USP21: variants seen among roughly 807,000 people sequenced by gnomAD.
The protein encoded by USP21 is ubiquitin carboxyl-terminal hydrolase 21.
USP21 carries 37 observed loss-of-function variants against 70.8 expected under a neutral mutation model. That is an observed-to-expected ratio of 0.52 (90% confidence interval 0.40 to 0.69). The LOEUF is 0.69. Ranked by LOEUF, USP21 falls within the 30% of genes least tolerant of loss-of-function variation. The pLI, the probability that USP21 is intolerant of heterozygous loss-of-function variation, is 0.00. For missense variants in USP21, 584 were observed against 740.8 expected, an observed-to-expected ratio of 0.79 and a Z score of 2.46; for synonymous variants, 263 against 283.1, an observed-to-expected ratio of 0.93 and a Z score of 0.71.
rs1311284973 is a variant in USP21, at chr1:161,164,269, G to A, written c.1305+19G>A. 6.2e-7 allele frequency: 1 copy of A among 1,612,262 alleles called. No individual in the cohort carries two copies. The highest frequency in any genetic ancestry group is 1.3e-5 in the African/African-American group (1 of 74,872). On this transcript the variant is annotated intron_variant, in intron 10 of 13. Transcript: ENST00000368002. The surrounding 1 kb of genome is among the most constrained non-coding windows in gnomAD (Gnocchi z 4.2). ...TGCCCCAGTATGTGGAGGTTCACAA[G>A]GGATACAGTAAGGGTGGGAGACCTG...
At position 161,162,525 on chromosome 1, in the gene USP21, T is replaced by TA. The variant is rs922448018; in HGVS notation, c.782-87dup. On this transcript the variant is annotated intron_variant, in intron 5 of 13. Transcript: ENST00000368002. The surrounding 1 kb of genome is among the most constrained non-coding windows in gnomAD (Gnocchi z 4.1). ...CTACTTTTCCCAGTGCCTACTTTCC[T>TA]AAAGGTTATTTTCTACCCTCTGAGC... 6.5e-6 allele frequency: 10 copies of TA among 1,539,352 alleles called. No individual in the cohort carries two copies. Among genetic ancestry groups the TA allele is most frequent in the Middle Eastern group, 1.7e-4 (1 of 5,876 alleles).
Position 161,164,779 on chromosome 1 carries a change from A to G in USP21, c.1385-56A>G, listed in dbSNP as rs374829310. The stretch of plus-strand genomic sequence containing the variant: ...GGGGAGAGGACAGCTTTCAGGATAG[A>G]AGAAGTTCCCCTCAGAGGCCCACTG... On this transcript the variant is annotated intron_variant, in intron 11 of 13. Transcript: ENST00000368002. The surrounding 1 kb of genome is among the most constrained non-coding windows in gnomAD (Gnocchi z 4.2). 1.9e-3 allele frequency: 2,966 copies of G among 1,598,082 alleles called. 5 individuals carry two copies. The highest frequency in any genetic ancestry group is 2.2e-3 in the Non-Finnish European group (2,588 of 1,170,456).
At position 161,164,056 on chromosome 1, in the gene USP21, G is replaced by T; in HGVS notation, c.1218+75G>T. On this transcript the variant is annotated intron_variant, in intron 9 of 13. Coordinates refer to ENST00000368002, the MANE Select transcript of USP21 (RefSeq NM_001014443.3). The surrounding 1 kb of genome is among the most constrained non-coding windows in gnomAD (Gnocchi z 4.2). ...CAAGCCTACCCACCCCCAGAGTGTG[G>T]GCGGGAACCCTGTGGGTTTCTGGAG... 6.3e-7 allele frequency: 1 copy of T among 1,584,672 alleles called. No homozygotes were observed. The highest frequency in any genetic ancestry group is 8.7e-7 in the Non-Finnish European group (1 of 1,153,756).
At position 161,164,300 on chromosome 1, in the gene USP21, A is replaced by G. The variant is rs1480717098; in HGVS notation, c.1305+50A>G. 3 of 1,539,714 alleles carry G rather than the reference A, an allele frequency of 1.9e-6. No homozygotes were observed. The highest frequency in any genetic ancestry group is 2.7e-6 in the Non-Finnish European group (3 of 1,112,654). Reference sequence around the variant, plus strand: ...CAGTAAGGGTGGGAGACCTGGGGGGACTCCATGTGGATAAAAGGGATTGCA... The same window carrying G: ...CAGTAAGGGTGGGAGACCTGGGGGGGCTCCATGTGGATAAAAGGGATTGCA... On this transcript the variant is annotated intron_variant, in intron 10 of 13. Coordinates refer to ENST00000368002, the MANE Select transcript of USP21 (RefSeq NM_001014443.3). The surrounding 1 kb of genome is among the most constrained non-coding windows in gnomAD (Gnocchi z 4.2).
At chr1:161,163,493 TGGG>T in intron 7 of USP21, 59 bp from the exon 8 acceptor site, 1 of 1,506,690 alleles carries the variant, frequency 6.6e-7, no homozygotes, top group Non-Finnish European at 9.2e-7. Context: ...CAGTGGGTGT[TGGG>T]GGTGCCCAGT....
intron 13 of USP21, 85 bp from the exon 14 acceptor site, chr1:161,165,272 C>T: frequency 6.9e-7 from 1 of 1,446,528 alleles, no homozygotes; most frequent in Middle Eastern, 1.7e-4. Flanking sequence ...TGATCATTTC[C>T]TGGATGCTCT....
At chr1:161,163,856 C>T in intron 8 of USP21, 22 bp from the exon 9 acceptor site, 4 of 1,602,634 alleles carry the variant, frequency 2.5e-6, no homozygotes, top group Non-Finnish European at 3.4e-6. Context: ...ACCTTTTCTC[C>T]TGTCCCTGTG....
chr1:161,161,487 C>T lies in USP21; in HGVS notation c.600+247C>T. 2.0e-6 allele frequency: 1 copy of T among 497,820 alleles called. No homozygotes were observed. 30.8% of individuals were successfully genotyped at this position (497,820 alleles called of 1,614,324 possible). ...GGGATTACCCCAACTATTTAGAATT[C>T]TTCTTTGGGTCCCCAGGCCCTTCCT... On this transcript the variant is annotated intron_variant, in intron 3 of 13. Coordinates refer to ENST00000368002, the MANE Select transcript of USP21 (RefSeq NM_001014443.3). The surrounding 1 kb of genome is among the most constrained non-coding windows in gnomAD (Gnocchi z 4.2).
chr1:161,161,501 C>T lies in USP21; in HGVS notation c.600+261C>T. On this transcript the variant is annotated intron_variant, in intron 3 of 13. Coordinates refer to ENST00000368002, the MANE Select transcript of USP21 (RefSeq NM_001014443.3). This position sits in a 1 kb window ranked among gnomAD's most constrained non-coding sequence, Gnocchi z 4.2. ...TATTTAGAATTCTTCTTTGGGTCCC[C>T]AGGCCCTTCCTTTCCCTTGCTTGCA... The T allele has an allele frequency of 2.1e-6, 1 of 481,192 alleles. No homozygotes were observed. The allele number at this position is 481,192 out of a possible 1,614,324, so 29.8% of individuals were successfully genotyped here. A position where few individuals can be genotyped will look rare whatever the true frequency, so the allele number is the denominator to read the frequency against.
chr1:161,164,015 CAG>C lies in USP21; in HGVS notation c.1218+35_1218+36del. 1 of 1,607,466 alleles carries C rather than the reference CAG, an allele frequency of 6.2e-7. No homozygotes were observed. The highest frequency in any genetic ancestry group is 8.5e-7 in the Non-Finnish European group (1 of 1,174,028). ...CCAGAGGATTCCGGGGTGGACAGGA[CAG>C]GGGCTCTGTGACCCAAGCCTACCCA... is the stretch of plus-strand genomic sequence containing the variant. On this transcript the variant is annotated intron_variant, in intron 9 of 13. Transcript: ENST00000368002. The surrounding 1 kb of genome is among the most constrained non-coding windows in gnomAD (Gnocchi z 4.2).
Position 161,162,326 on chromosome 1 carries a change from C to T in USP21, c.717C>T (p.Phe239=), listed in dbSNP as rs760903800. The change falls in exon 5 of 14, where the codon TTC becomes TTT. Residue 239 remains phenylalanine, a synonymous_variant. Transcript: ENST00000368002. This position sits in a 1 kb window ranked among gnomAD's most constrained non-coding sequence, Gnocchi z 4.1. ...GCAGCACTCGACCTCTTCGGGACTT[C>T]TGTCTGAGAAGGGACTTCCGGCAAG... ...CLSSTRPLRD[F]CLRRDFRQEV... The T allele has an allele frequency of 5.0e-5, 80 of 1,613,620 alleles. No individual in the cohort carries two copies. The highest frequency in any genetic ancestry group is 6.7e-5 in the Non-Finnish European group (79 of 1,179,848).
At chr1:161,160,219 A>C (rs1558000152) in intron 1 of USP21, 147 bp from the exon 2 acceptor site, 1 of 183,584 alleles carries the variant, frequency 5.4e-6, no homozygotes, top group Admixed American at 5.5e-5. Flanking sequence ...CCGAGATAGG[A>C]GTTATCACTG....
At position 161,162,081 on chromosome 1, in the gene USP21, G is replaced by A. The variant is rs776184092; in HGVS notation, c.644G>A (p.Arg215Gln). The A allele has an allele frequency of 3.7e-6, 6 of 1,614,050 alleles. No individual in the cohort carries two copies. The highest frequency in any genetic ancestry group is 1.6e-4 in the Middle Eastern group (1 of 6,062). Residue 215 changes from arginine to glutamine, a missense_variant, in exon 4 of 14, where the codon CGA becomes CAA. Physicochemically the swap from Arg to Gln is conservative, Grantham distance 43. Around this residue, in one of 4 missense-constraint regions of USP21, gnomAD observed 87 missense variants for 162.4 expected, o/e 0.54. Coordinates refer to ENST00000368002, the MANE Select transcript of USP21 (RefSeq NM_001014443.3). This position sits in a 1 kb window ranked among gnomAD's most constrained non-coding sequence, Gnocchi z 4.1. ...LLLGSGHVGL[R>Q]NLGNTCFLNA... ...CTGGGCTCTGGTCATGTTGGCCTTC[G>A]AAACCTGGGAAACACGGTGAGAGCT... is the stretch of plus-strand genomic sequence containing the variant.
chr1:161,165,046 C>T lies in USP21; in HGVS notation c.1510C>T (p.Leu504=), dbSNP rs753290580. Residue 504 remains leucine (L), a synonymous_variant, in exon 13 of 14, where the codon CTG becomes TTG. Coordinates refer to ENST00000368002, the MANE Select transcript of USP21 (RefSeq NM_001014443.3). ...SDKAGSPVYQ[L]YALCNHSGSV... is the part of the protein sequence containing the mutation. ...CCCCGCAGGAAGTCCTGTATACCAG[C>T]TGTATGCCCTTTGCAACCACTCAGG... 12 of 1,614,110 alleles carry T rather than the reference C, an allele frequency of 7.4e-6. No individual in the cohort carries two copies. In the East Asian group the frequency reaches 2.7e-4, roughly 36 times the overall value.
In USP21 at chr1:161,163,066, T is replaced by C. The variant is rs1238217392; in HGVS notation, c.1041T>C (p.Pro347=). Residue 347 remains proline (P), a synonymous_variant, in exon 7 of 14, where the codon CCT becomes CCC. Transcript: ENST00000368002. The part of the protein sequence containing the change: ...PRRGGALLEE[P]ELSDDDRANL... ...GAGGAGGGGCTCTGCTAGAAGAACC[T>C]GAGTTAAGGTAAGGGTCGTTCCCTC... 2 of 1,602,598 alleles carry C rather than the reference T, an allele frequency of 1.2e-6. No homozygotes were observed. The highest frequency in any genetic ancestry group is 8.5e-7 in the Non-Finnish European group (1 of 1,175,558).
At position 161,161,820 on chromosome 1, in the gene USP21, G is replaced by A. The variant is rs573533616; in HGVS notation, c.601-218G>A. On this transcript the variant is annotated intron_variant, in intron 3 of 13. Coordinates refer to ENST00000368002, the MANE Select transcript of USP21 (RefSeq NM_001014443.3). The surrounding 1 kb of genome is among the most constrained non-coding windows in gnomAD (Gnocchi z 4.2). ...AGAGGAGTAAGTGGGCAACAGGTGG[G>A]ACAGCCATGGCTGAGTCCGTGGTAC... The A allele has an allele frequency of 6.9e-4, 403 of 587,430 alleles. 1 individual carries two copies. Among genetic ancestry groups the A allele is most frequent in the Middle Eastern group, 2.2e-3 (5 of 2,236 alleles). The allele number at this position is 587,430 out of a possible 1,614,324, so 36.4% of individuals were successfully genotyped here.
At position 161,165,020 on chromosome 1, in the gene USP21, A is replaced by AC; in HGVS notation, c.1493-5dup. On this transcript the variant is annotated splice_polypyrimidine_tract_variant and intron_variant, in intron 12 of 13. Coordinates refer to ENST00000368002, the MANE Select transcript of USP21 (RefSeq NM_001014443.3). Reference sequence around the variant, plus strand: ...TGATTATAGAACTTGATCATCTCCAACCCCGCAGGAAGTCCTGTATACCAG... The same window carrying AC: ...TGATTATAGAACTTGATCATCTCCAACCCCCGCAGGAAGTCCTGTATACCAG... 1 of 1,613,756 alleles carries AC rather than the reference A, an allele frequency of 6.2e-7. No homozygotes were observed. Among genetic ancestry groups the AC allele is most frequent in the Non-Finnish European group, 8.5e-7 (1 of 1,179,838 alleles).
At position 161,160,663 on chromosome 1, in the gene USP21, G is replaced by A. The variant is rs199737344; in HGVS notation, c.23G>A (p.Arg8His). The change falls in exon 3 of 14, where the codon CGC becomes CAC. Residue 8 changes from arginine (R) to histidine (H), a missense_variant. Around this residue, in one of 4 missense-constraint regions of USP21, gnomAD observed 284 missense variants for 281.0 expected, o/e 1.01. Transcript: ENST00000368002. Reference protein sequence around the residue: MPQASEHRLGRTREPPVN... With the variant: MPQASEHHLGRTREPPVN... ...ACAATGCCCCAGGCCTCTGAGCACC[G>A]CCTGGGCCGTACCCGAGAGCCACCT... 6.3e-5 allele frequency: 101 copies of A among 1,613,666 alleles called. No homozygotes were observed. Among genetic ancestry groups the A allele is most frequent in the Non-Finnish European group, 7.7e-5 (91 of 1,179,900 alleles).
Position 161,163,618 on chromosome 1 carries a change from G to A in USP21, c.1113G>A (p.Val371=). ...TGGAGCGAGAGGACAGCAAGATTGT[G>A]GGTATGGAATGGGGCAAAGCAATGA... ...RYLEREDSKI[V]DLFVGQLKSC... Residue 371 remains valine (V), a splice_region_variant and synonymous_variant, in exon 8 of 14, where the codon GTG becomes GTA. Coordinates refer to ENST00000368002, the MANE Select transcript of USP21 (RefSeq NM_001014443.3). 1 of 1,611,172 alleles carries A rather than the reference G, an allele frequency of 6.2e-7. No homozygotes were observed.
Sources: gnomAD v4.1 joint callset for allele counts on GRCh38, gnomAD v4.1.1 for gene constraint, gnomAD v4.1.1 regional missense constraint, Gnocchi (gnomAD v3.1) non-coding constraint, MANE v1.5 for transcripts, NCBI Gene and HGNC (gene_info 2026-07-23, HGNC 2026-07-21) for gene names.